PTPRD: variants seen among roughly 807,000 people sequenced by gnomAD.
The protein encoded by PTPRD is protein tyrosine phosphatase receptor type D.
Under a neutral mutation model 214.5 loss-of-function variants are expected in PTPRD, and 34 were observed. The observed-to-expected ratio is 0.16, with a 90% CI of 0.12 to 0.21. PTPRD has a LOEUF of 0.21. PTPRD is among the 10% of genes least tolerant of loss of function. PTPRD has a pLI of 1.00. For synonymous variants in PTPRD, 1,128 were observed against 845.7 expected (o/e 1.33, Z -5.79); for missense variants, 2,545 against 2,398.7 (o/e 1.06, Z -1.27).
At chr9:10,335,414 T>A (rs1359623988) in intron 3 of PTPRD, among the ~76,000 whole-genome samples, 1 of 151,646 alleles carries the variant, frequency 6.6e-6, no homozygotes, top group African/African-American at 2.4e-5. Flanking sequence ...ATGAATCTAC[T>A]CACAAATCTT....
intron 3 of PTPRD, among the ~76,000 whole-genome samples, chr9:10,238,977 A>G (rs990238272): frequency 2.0e-5 from 3 of 151,890 alleles, no homozygotes; most frequent in African/African-American, 4.8e-5. Flanking sequence ...AGTCCTGCAC[A>G]TCGAAGAAGG....
At chr9:8,667,724 A>C (rs1402557586) in intron 12 of PTPRD, among the ~76,000 whole-genome samples, 1 of 152,134 alleles carries the variant, frequency 6.6e-6, no homozygotes, top group East Asian at 1.9e-4. Flanking sequence ...CCCATCCCCA[A>C]GATATCTCAT....
intron 2 of PTPRD, among the ~76,000 whole-genome samples, chr9:10,490,996 A>G (rs1466399607): frequency 2.0e-5 from 3 of 152,162 alleles, no homozygotes; most frequent in African/African-American, 7.2e-5. Flanking sequence ...ACACATATAC[A>G]AACATATATA....
At chr9:10,248,697 T>C (rs1244782472) in intron 3 of PTPRD, among the ~76,000 whole-genome samples, 1 of 152,102 alleles carries the variant, frequency 6.6e-6, no homozygotes, top group African/African-American at 2.4e-5. Flanking sequence ...GTGAGTTCTT[T>C]AGAATACACT....
At chr9:10,214,161 T>C (rs2099529900) in intron 3 of PTPRD, among the ~76,000 whole-genome samples, 1 of 152,140 alleles carries the variant, frequency 6.6e-6, no homozygotes. Context: ...CATGCAATCA[T>C]TCTATTTAAA....
chr9:8,579,044 C>G (rs894292037), intron 14 of PTPRD, among the ~76,000 whole-genome samples: 2 of 152,124 alleles, frequency 1.3e-5, no homozygotes, highest in African/African-American at 4.8e-5. Flanking sequence ...GCAACACTTA[C>G]AAGTCCAAAT....
At chr9:9,250,237 G>C (rs781268256) in intron 9 of PTPRD, among the ~76,000 whole-genome samples, 1 of 152,052 alleles carries the variant, frequency 6.6e-6, no homozygotes, top group Non-Finnish European at 1.5e-5. Context: ...ATATTTTCCT[G>C]TTCCCTGAAT....
intron 9 of PTPRD, among the ~76,000 whole-genome samples, chr9:9,245,996 T>A (rs2099972900): frequency 6.6e-6 from 1 of 152,210 alleles, no homozygotes. Flanking sequence ...AGATCCTATG[T>A]GGCTGATCAC....
intron 35 of PTPRD, among the ~76,000 whole-genome samples, chr9:8,425,169 T>C (rs1274575325): frequency 6.6e-6 from 1 of 152,204 alleles, no homozygotes; most frequent in East Asian, 1.9e-4. Context: ...GTCATCCCTA[T>C]GATGCTGGGT....
chr9:8,553,485 A>C (rs2140906976), intron 14 of PTPRD, among the ~76,000 whole-genome samples: 1 of 152,272 alleles, frequency 6.6e-6, no homozygotes. Flanking sequence ...TAATTAAATC[A>C]ATCCTTTATT....
intron 9 of PTPRD, among the ~76,000 whole-genome samples, chr9:9,328,197 A>G (rs147724573): frequency 6.6e-6 from 1 of 152,164 alleles, no homozygotes; most frequent in Non-Finnish European, 1.5e-5. Flanking sequence ...ACTTATATTT[A>G]ATATTCTATT....
At chr9:10,225,398 A>G (rs1488325430) in intron 3 of PTPRD, among the ~76,000 whole-genome samples, 3 of 152,058 alleles carry the variant, frequency 2.0e-5, no homozygotes, top group African/African-American at 7.2e-5. Flanking sequence ...AAGAGCTGAT[A>G]TTAACAGTCC....
At chr9:9,128,464 T>A (rs1424832292) in intron 10 of PTPRD, among the ~76,000 whole-genome samples, 1 of 152,212 alleles carries the variant, frequency 6.6e-6, no homozygotes, top group Non-Finnish European at 1.5e-5. Context: ...TATATTCAAT[T>A]ATACACGTAT....
chr9:9,947,754 A>G (rs973248278), intron 4 of PTPRD, among the ~76,000 whole-genome samples: 2 of 144,224 alleles, frequency 1.4e-5, no homozygotes, highest in Non-Finnish European at 3.0e-5. Flanking sequence ...TGAGAAGTTC[A>G]TCTTCCAAGA....
At chr9:9,647,371 A>G (rs1211592290) in intron 7 of PTPRD, among the ~76,000 whole-genome samples, 6 of 136,524 alleles carry the variant, frequency 4.4e-5, no homozygotes. Flanking sequence ...TCCCAGGATA[A>G]TTTGTTTTTT....
intron 35 of PTPRD, among the ~76,000 whole-genome samples, chr9:8,413,123 T>C (rs1472051016): frequency 6.6e-6 from 1 of 152,160 alleles, no homozygotes; most frequent in East Asian, 1.9e-4. Context: ...TATGAAAATG[T>C]CTAGCCTAAT....
intron 14 of PTPRD, among the ~76,000 whole-genome samples, chr9:8,551,588 C>A (rs1187805687): frequency 6.6e-6 from 1 of 152,158 alleles, no homozygotes; most frequent in Non-Finnish European, 1.5e-5. Context: ...AAGTACCAGT[C>A]ATTTTAAGTA....
At chr9:8,690,959 T>C (rs1270987658) in intron 12 of PTPRD, among the ~76,000 whole-genome samples, 1 of 152,190 alleles carries the variant, frequency 6.6e-6, no homozygotes, top group Non-Finnish European at 1.5e-5. Context: ...TTTCTGTCTT[T>C]TCCTCCATCA....
At chr9:8,969,594 T>G (rs2099223614) in intron 11 of PTPRD, among the ~76,000 whole-genome samples, 1 of 151,948 alleles carries the variant, frequency 6.6e-6, no homozygotes, top group Non-Finnish European at 1.5e-5. Context: ...ACAGAATGAG[T>G]TCTATGTTTT....
Sources: allele counts gnomAD v4.1 joint callset (sites outside exome capture counted in the v4.1 genomes callset), GRCh38; gene constraint gnomAD v4.1.1; transcripts MANE v1.5; gene names NCBI Gene and HGNC (gene_info 2026-07-23, HGNC 2026-07-21).